The following DMD variants were observed in gnomAD, a reference collection of about 807,000 sequenced individuals.
The protein encoded by DMD is dystrophin.
Under a neutral mutation model 330.1 loss-of-function variants are expected in DMD, and 63 were observed. The observed-to-expected ratio is 0.19, with a 90% confidence interval of 0.16 to 0.24. DMD has a LOEUF of 0.24. Among genes scored for constraint, DMD ranks in the 10% least tolerant of loss-of-function variants. The pLI is 1.00. For synonymous variants in DMD, 1,223 were observed against 959.8 expected, an observed-to-expected ratio of 1.27 and a Z score of -5.07; for missense variants, 3,344 against 2,684.1, an observed-to-expected ratio of 1.25 and a Z score of -5.43.
intron 60 of DMD, among the ~76,000 whole-genome samples, chrX:31,417,863 A>G (rs2063148118): frequency 9.3e-6 from 1 of 107,763 alleles, no homozygotes; most frequent in African/African-American, 3.4e-5. Flanking sequence ...AATTTTTTGT[A>G]TTTTTAGTAG....
intron 55 of DMD, among the ~76,000 whole-genome samples, chrX:31,599,001 T>C (rs1278734762): frequency 6.3e-5 from 7 of 111,818 alleles, no homozygotes; most frequent in Non-Finnish European, 1.3e-4. Context: ...AATACAAAAT[T>C]GAAGAGCTTT....
intron 13 of DMD, chrX:32,583,857 T>C (rs1297464301): frequency 8.9e-6 from 1 of 111,883 alleles, no homozygotes; most frequent in African/African-American, 3.3e-5. Flanking sequence ...ACAGTTCCTA[T>C]ATAGCAACCC....
chrX:33,111,173 C>T (rs775990408), intron 1 of DMD, among the ~76,000 whole-genome samples: 5 of 111,423 alleles, frequency 4.5e-5, no homozygotes, highest in South Asian at 7.6e-4. Flanking sequence ...TCCCACAAAG[C>T]TTAAACCTCT....
At chrX:32,454,902 C>A (rs1268370016) in intron 25 of DMD, 70 bp from the exon 26 acceptor site, 6 of 1,118,242 alleles carry the variant, frequency 5.4e-6, no homozygotes, top group Non-Finnish European at 7.3e-6. Flanking sequence ...ATTATTTCAT[C>A]AGTATGTAAA....
intron 2 of DMD, among the ~76,000 whole-genome samples, chrX:32,982,420 C>G (rs2092729692): frequency 9.0e-6 from 1 of 111,334 alleles, no homozygotes. Context: ...AAATATGTAA[C>G]AGCAAAAAAA....
At chrX:32,799,347 T>G (rs1301118277) in intron 7 of DMD, among the ~76,000 whole-genome samples, 1 of 111,534 alleles carries the variant, frequency 9.0e-6, no homozygotes, top group Non-Finnish European at 1.9e-5. Context: ...GTCCTTCCTT[T>G]TTTGGTCAAA....
chrX:32,338,314 A>G (rs919538735), intron 41 of DMD, among the ~76,000 whole-genome samples: 4 of 111,302 alleles, frequency 3.6e-5, no homozygotes, highest in Non-Finnish European at 7.6e-5. Flanking sequence ...TTGAGGATTC[A>G]TTAAAATTTA....
chrX:31,843,843 G>A (rs866038823), intron 48 of DMD, among the ~76,000 whole-genome samples: 1 of 57,461 alleles, frequency 1.7e-5, no homozygotes, highest in Non-Finnish European at 3.0e-5. Flanking sequence ...TCTAGTTTGA[G>A]ATTTTATTGT....
At chrX:32,080,882 A>G (rs1457428068) in intron 44 of DMD, among the ~76,000 whole-genome samples, 3 of 112,278 alleles carry the variant, frequency 2.7e-5, no homozygotes. Context: ...CTGAAGGGTC[A>G]TTCGAAGCTC....
chrX:32,166,819 G>A (rs1181384621), intron 44 of DMD, among the ~76,000 whole-genome samples: 4 of 111,849 alleles, frequency 3.6e-5, no homozygotes, highest in African/African-American at 1.3e-4. Context: ...AAAAAACTGG[G>A]AAGGAAAAAG....
chrX:31,840,828 G>A (rs751517415), intron 48 of DMD, among the ~76,000 whole-genome samples: 1 of 110,285 alleles, frequency 9.1e-6, no homozygotes, highest in Non-Finnish European at 1.9e-5. Flanking sequence ...TATTCTGAAC[G>A]CTCCACTGAC....
In DMD at chrX:31,120,754, G is replaced by GAGTT. The variant is rs1057515859; in HGVS notation, c.*1161_*1164dup. 1.3e-4 allele frequency: 14 copies of GAGTT among 110,257 alleles called. No homozygotes were observed. Among genetic ancestry groups the GAGTT allele is most frequent in the East Asian group, 8.6e-4 (3 of 3,503 alleles). The allele number at this position is 110,257 out of a possible 1,213,427, so 9.1% of individuals were successfully genotyped here. A position where few individuals can be genotyped will look rare whatever the true frequency, so the allele number is the denominator to read the frequency against. On this transcript the variant is annotated 3_prime_UTR_variant, in exon 79 of 79. Coordinates refer to ENST00000357033, the MANE Select transcript of DMD (RefSeq NM_004006.3). ...CTATCATCGTCCTGCTACTGCTTGG[G>GAGTT]AGTTAAAAAATACCTTCTGATGTTC...
intron 1 of DMD, among the ~76,000 whole-genome samples, chrX:33,199,669 A>G (rs182423211): frequency 4.4e-4 from 49 of 111,410 alleles, no homozygotes; most frequent in African/African-American, 1.5e-3. Flanking sequence ...ATCGAGGAAG[A>G]GATCATTATG....
chrX:31,473,439 T>G (rs2067465361), intron 59 of DMD, among the ~76,000 whole-genome samples: 1 of 102,117 alleles, frequency 9.8e-6, no homozygotes, highest in Admixed American at 1.1e-4. Context: ...AACAGCAATC[T>G]GGCCGGGAGC....
chrX:31,668,889 A>T (rs771799736), intron 53 of DMD, among the ~76,000 whole-genome samples: 1 of 111,954 alleles, frequency 8.9e-6, no homozygotes, highest in Non-Finnish European at 1.9e-5. Context: ...GGCTTATTTC[A>T]TTTAGTATAA....
chrX:32,308,643 T>C (rs1166674950), intron 42 of DMD, among the ~76,000 whole-genome samples: 1 of 110,929 alleles, frequency 9.0e-6, no homozygotes, highest in Non-Finnish European at 1.9e-5. Flanking sequence ...TCAATACTAT[T>C]ACGATTGACA....
intron 60 of DMD, among the ~76,000 whole-genome samples, chrX:31,395,534 T>C (rs1418317418): frequency 1.8e-5 from 2 of 111,704 alleles, no homozygotes; most frequent in African/African-American, 3.3e-5. Flanking sequence ...GTGGCTGTCA[T>C]GTGACACAGT....
chrX:31,363,278 C>G (rs1383022122), intron 60 of DMD, among the ~76,000 whole-genome samples: 1 of 109,161 alleles, frequency 9.2e-6, no homozygotes, highest in Non-Finnish European at 1.9e-5. Flanking sequence ...GATGGAATCT[C>G]AAGTATTCAT....
rs759598838 is a variant in DMD at position 32,699,940 on chromosome X, G to C, written c.650-647C>G. 2.2e-4 allele frequency among the ~76,000 whole-genome samples: 25 copies of C among 111,917 alleles called. No individual in the cohort carries two copies. In the Admixed American group the frequency reaches 2.3e-3, roughly 10 times the overall value. ...ATCACTTTCCTTCTCAGACATTAGA[G>C]ACAAATGTAAAAGTCCCGCACATTA... On this transcript the variant is annotated intron_variant, in intron 7 of 78. Coordinates refer to ENST00000357033, the MANE Select transcript of DMD (RefSeq NM_004006.3).
Sources: allele counts gnomAD v4.1 joint callset (sites outside exome capture counted in the v4.1 genomes callset), GRCh38; gene constraint gnomAD v4.1.1; transcripts MANE v1.5; gene names NCBI Gene and HGNC (gene_info 2026-07-23, HGNC 2026-07-21).